COL14A1: variants seen among roughly 807,000 people sequenced by gnomAD.
The protein encoded by COL14A1 is collagen alpha-1(XIV) chain.
Under a neutral mutation model 230.3 loss-of-function variants are expected in COL14A1, and 136 were observed. That is an observed-to-expected ratio of 0.59 (90% CI 0.51 to 0.68). The LOEUF is 0.68. Ranked by LOEUF, COL14A1 falls within the 30% of genes least tolerant of loss-of-function variation. The probability of loss-of-function intolerance (pLI) is 0.00; values close to 1 mark genes in which losing one functional copy is unlikely to be tolerated. For missense variants in COL14A1, 1,976 were observed against 2,215.8 expected (o/e 0.89, Z 2.17); for synonymous variants, 792 against 784.1 (o/e 1.01, Z -0.17).
At chr8:120,258,809 A>T (rs1408737580) in intron 23 of COL14A1, among the ~76,000 whole-genome samples, 2 of 152,132 alleles carry the variant, frequency 1.3e-5, no homozygotes, top group African/African-American at 4.8e-5. Context: ...GAGCCCTGTG[A>T]GGTCCTCCAT....
chr8:120,285,554 C>A (rs1217056342), intron 32 of COL14A1, among the ~76,000 whole-genome samples: 1 of 150,416 alleles, frequency 6.6e-6, no homozygotes, highest in Non-Finnish European at 1.5e-5. Context: ...TCTGCCTCTA[C>A]TTCCAGCTTT....
chr8:120,149,844 GCCA>G (rs777534751), intron 2 of COL14A1, among the ~76,000 whole-genome samples: 2 of 151,998 alleles, frequency 1.3e-5, no homozygotes, highest in Non-Finnish European at 2.9e-5. Flanking sequence ...ACAGGCATGC[GCCA>G]CCAAGCCCAG....
chr8:120,140,432 A>G (rs921454421), intron 1 of COL14A1, among the ~76,000 whole-genome samples: 2 of 152,078 alleles, frequency 1.3e-5, no homozygotes, highest in Non-Finnish European at 2.9e-5. Flanking sequence ...CTTTGGTTAT[A>G]TAGTAGGACT....
At chr8:120,353,694 C>T (rs1822859959) in intron 45 of COL14A1, among the ~76,000 whole-genome samples, 2 of 149,844 alleles carry the variant, frequency 1.3e-5, no homozygotes, top group South Asian at 4.2e-4. Context: ...CAATGAGATA[C>T]CATCTCACAC....
At chr8:120,274,273 G>C (rs1586822628) in intron 26 of COL14A1, among the ~76,000 whole-genome samples, 1 of 151,592 alleles carries the variant, frequency 6.6e-6, no homozygotes, top group Non-Finnish European at 1.5e-5. Context: ...ATAAAATCCA[G>C]CATCCCTTTA....
intron 5 of COL14A1, among the ~76,000 whole-genome samples, chr8:120,176,912 C>A (rs568854310): frequency 4.9e-4 from 74 of 152,108 alleles, no homozygotes; most frequent in African/African-American, 1.8e-3. Context: ...TTATTATTAT[C>A]TAGATAGTTG....
intron 24 of COL14A1, 69 bp from the exon 25 acceptor site, chr8:120,266,758 T>G: frequency 7.9e-7 from 1 of 1,263,660 alleles, no homozygotes; most frequent in Non-Finnish European, 1.2e-6. Context: ...TATTTATTAC[T>G]CCATGACCTT....
At chr8:120,363,998 C>G (rs1340975636) in intron 45 of COL14A1, among the ~76,000 whole-genome samples, 1 of 152,102 alleles carries the variant, frequency 6.6e-6, no homozygotes, top group Admixed American at 6.5e-5. Context: ...TAGAGAAATT[C>G]TGAGTTGGGT....
intron 42 of COL14A1, among the ~76,000 whole-genome samples, chr8:120,335,728 T>A (rs1172307113): frequency 6.6e-6 from 1 of 152,210 alleles, no homozygotes; most frequent in Non-Finnish European, 1.5e-5. Flanking sequence ...GCCGGCTCCC[T>A]AGGGCAGAAT....
intron 40 of COL14A1, among the ~76,000 whole-genome samples, chr8:120,330,890 G>A (rs977094059): frequency 9.2e-5 from 14 of 152,160 alleles, no homozygotes; most frequent in African/African-American, 3.4e-4. Context: ...CAGATCACCT[G>A]AGGTTGGGAG....
At chr8:120,261,369 T>C (rs1297472229) in intron 23 of COL14A1, among the ~76,000 whole-genome samples, 1 of 152,244 alleles carries the variant, frequency 6.6e-6, no homozygotes, top group East Asian at 1.9e-4. Context: ...AGATAATACA[T>C]ATGAATTCCT....
chr8:120,362,695 G>A (rs1823260865), intron 45 of COL14A1, among the ~76,000 whole-genome samples: 1 of 152,120 alleles, frequency 6.6e-6, no homozygotes, highest in Non-Finnish European at 1.5e-5. Context: ...ATGCATCTGT[G>A]GGAGCAGGGT....
chr8:120,269,424 G>A (rs1195851033), intron 25 of COL14A1, among the ~76,000 whole-genome samples: 1 of 151,736 alleles, frequency 6.6e-6, no homozygotes, highest in Non-Finnish European at 1.5e-5. Flanking sequence ...CCCTTGGCTA[G>A]CATTAGTGTA....
chr8:120,248,948 C>A lies in COL14A1; in HGVS notation c.2602+1213C>A, dbSNP rs1224253504. On this transcript the variant is annotated intron_variant, in intron 21 of 47. Coordinates refer to ENST00000297848, the MANE Select transcript of COL14A1 (RefSeq NM_021110.4). Reference sequence around the variant, plus strand: ...TTTTTTTTTTTTTTTTTTTTTGAGACGGAGTCTCGCTCTGTCACCCAGGCT... The same window carrying A: ...TTTTTTTTTTTTTTTTTTTTTGAGAAGGAGTCTCGCTCTGTCACCCAGGCT... Among the ~76,000 whole-genome samples, 2 of 61,772 alleles carry A rather than the reference C, an allele frequency of 3.2e-5. 1 individual carries two copies. Among genetic ancestry groups the A allele is most frequent in the Non-Finnish European group, 5.1e-5 (2 of 39,130 alleles). 40.5% of individuals were successfully genotyped at this position (61,772 alleles called of 152,430 possible).
intron 5 of COL14A1, 110 bp downstream of exon 5, chr8:120,168,357 C>T (rs1363904054): frequency 2.4e-5 from 17 of 710,668 alleles, no homozygotes; most frequent in South Asian, 1.5e-4. Flanking sequence ...AGGTCTAATA[C>T]GAAGATCGCC....
intron 1 of COL14A1, among the ~76,000 whole-genome samples, chr8:120,147,002 C>G (rs1815111765): frequency 6.6e-6 from 1 of 151,756 alleles, no homozygotes; most frequent in Non-Finnish European, 1.5e-5. Flanking sequence ...TGTTTTTTCC[C>G]CTCCAATTCT....
intron 23 of COL14A1, among the ~76,000 whole-genome samples, chr8:120,260,140 T>C (rs2129747584): frequency 6.6e-6 from 1 of 152,264 alleles, no homozygotes; most frequent in South Asian, 2.1e-4. Context: ...AGTTCCCTTC[T>C]GAAACTAATA....
At chr8:120,174,564 C>T (rs984380808) in intron 5 of COL14A1, among the ~76,000 whole-genome samples, 2 of 152,158 alleles carry the variant, frequency 1.3e-5, no homozygotes, top group African/African-American at 4.8e-5. Flanking sequence ...AGTCCATTTC[C>T]TTCCTCACTG....
At chr8:120,136,970 A>G (rs1326836008) in intron 1 of COL14A1, among the ~76,000 whole-genome samples, 1 of 151,158 alleles carries the variant, frequency 6.6e-6, no homozygotes, top group Non-Finnish European at 1.5e-5. Flanking sequence ...AAAAAAAAAA[A>G]AAAAAAAAAA....
Sources: gnomAD v4.1 joint callset for allele counts (sites outside exome capture counted in the v4.1 genomes callset) on GRCh38, gnomAD v4.1.1 for gene constraint, MANE v1.5 for transcripts, NCBI Gene and HGNC (gene_info 2026-07-23, HGNC 2026-07-21) for gene names.